STAU1: variants seen among roughly 807,000 people sequenced by gnomAD.
STAU1 encodes double-stranded RNA-binding protein Staufen homolog 1.
Under a neutral mutation model 62.9 loss-of-function variants are expected in STAU1, and 13 were observed. That is an observed-to-expected ratio of 0.21 (90% CI 0.13 to 0.33). The LOEUF (loss-of-function observed/expected upper bound fraction) is 0.33, where lower values mean the gene tolerates loss of function less well. STAU1 is among the 10% of genes least tolerant of loss of function. The pLI is 1.00. For missense variants in STAU1, 571 were observed against 712.1 expected (o/e 0.80, Z 2.25); for synonymous variants, 269 against 265.1 (o/e 1.01, Z -0.14).
chr20:49,141,700 G>A (rs111529618), intron 5 of STAU1, among the ~76,000 whole-genome samples: 7 of 152,274 alleles, frequency 4.6e-5, no homozygotes, highest in African/African-American at 1.7e-4. Context: ...TTCGAGACCA[G>A]CCTGGCCAAC....
the STAU1 span, among the ~76,000 whole-genome samples, chr20:49,216,515 G>A: frequency 1.1e-4 from 16 of 151,436 alleles, no homozygotes; most frequent in Admixed American, 2.0e-4. Flanking sequence ...GCGACAAAGT[G>A]AGACTCATCT....
chr20:49,116,016 T>G, intron 12 of STAU1, 149 bp from the exon 13 acceptor site: 2 of 586,718 alleles, frequency 3.4e-6, no homozygotes, highest in Non-Finnish European at 6.0e-6. Context: ...AACTTTGAAT[T>G]TTTAATTTAA....
intron 3 of STAU1, among the ~76,000 whole-genome samples, chr20:49,165,040 T>C (rs2093504397): frequency 6.6e-6 from 1 of 152,072 alleles, no homozygotes; most frequent in African/African-American, 2.4e-5. Flanking sequence ...GGAATTTTAT[T>C]TATTTATTTT....
rs2092251341 is a variant in STAU1, at chr20:49,114,121, G to T, written c.*757C>A. On this transcript the variant is annotated 3_prime_UTR_variant, in exon 14 of 14. Transcript: ENST00000371856. Reference sequence around the variant, plus strand: ...CTGAAACTGTCCTGGGTTAGTCAATGAAATAAAAATGTCTAACCACATACA... The same window carrying T: ...CTGAAACTGTCCTGGGTTAGTCAATTAAATAAAAATGTCTAACCACATACA... 6.6e-6 allele frequency: 1 copy of T among 152,598 alleles called. No individual in the cohort carries two copies. The highest frequency in any genetic ancestry group is 1.5e-5 in the Non-Finnish European group (1 of 68,040). The allele number at this position is 152,598 out of a possible 1,614,324, so 9.5% of individuals were successfully genotyped here.
At chr20:49,157,871 C>A (rs1315371505) in intron 3 of STAU1, among the ~76,000 whole-genome samples, 2 of 152,146 alleles carry the variant, frequency 1.3e-5, no homozygotes, top group African/African-American at 4.8e-5. Context: ...GATCCTCTCG[C>A]CTCAGCCTTC....
the STAU1 span, among the ~76,000 whole-genome samples, chr20:49,210,781 T>C: frequency 6.6e-6 from 1 of 152,224 alleles, no homozygotes. Flanking sequence ...TTTAATTTTT[T>C]CTTTTTAGAA....
At chr20:49,197,226 A>T in the STAU1 span, among the ~76,000 whole-genome samples, 9 of 151,260 alleles carry the variant, frequency 6.0e-5, no homozygotes, top group African/African-American at 4.9e-5. Flanking sequence ...ATAAGTCATG[A>T]CATATTCATA....
rs781023344 is a variant in STAU1, at chr20:49,117,737, T to C, written c.1509+40A>G. On this transcript the variant is annotated intron_variant, in intron 11 of 13. Coordinates refer to ENST00000371856, the MANE Select transcript of STAU1 (RefSeq NM_017453.4). This position sits in a 1 kb window ranked among gnomAD's most constrained non-coding sequence, Gnocchi z 4.6. The stretch of plus-strand genomic sequence containing the variant: ...TCTGAGAGAAGCCAAAAGATGACTG[T>C]CCTGAGGCACAGCCATCACAGCTCA... 6.4e-7 allele frequency: 1 copy of C among 1,555,478 alleles called. No homozygotes were observed. Among genetic ancestry groups the C allele is most frequent in the Non-Finnish European group, 8.7e-7 (1 of 1,151,716 alleles).
chr20:49,151,490 G>A, intron 5 of STAU1, 92 bp downstream of exon 5: 1 of 1,295,650 alleles, frequency 7.7e-7, no homozygotes, highest in Non-Finnish European at 1.0e-6. Context: ...AGCTGTCAAT[G>A]TGCCTTCTTA....
At chr20:49,209,529 A>T in the STAU1 span, among the ~76,000 whole-genome samples, 1 of 151,792 alleles carries the variant, frequency 6.6e-6, no homozygotes. Flanking sequence ...GGATCACATG[A>T]GGTCAGGAGT....
Position 49,114,723 on chromosome 20 carries a change from T to C in STAU1, c.*155A>G, listed in dbSNP as rs1263441032. 4.1e-6 allele frequency: 3 copies of C among 729,664 alleles called. No individual in the cohort carries two copies. The highest frequency in any genetic ancestry group is 7.1e-6 in the Non-Finnish European group (3 of 425,338). 45.2% of individuals were successfully genotyped at this position (729,664 alleles called of 1,614,324 possible). On this transcript the variant is annotated 3_prime_UTR_variant, in exon 14 of 14. Coordinates refer to ENST00000371856, the MANE Select transcript of STAU1 (RefSeq NM_017453.4). ...TCCAGCCCGGCCACAGCCGCCTCCT[T>C]GTGTTTCTGTTGTCTTCCCTGCTGC...
chr20:49,174,859 G>A (rs1433739281), intron 1 of STAU1, among the ~76,000 whole-genome samples: 12 of 149,782 alleles, frequency 8.0e-5, no homozygotes, highest in African/African-American at 2.7e-4. Flanking sequence ...GTGTGAACCC[G>A]GGAGACGGAG....
upstream of STAU1, among the ~76,000 whole-genome samples, chr20:49,192,356 A>G (rs2093832418): frequency 6.6e-6 from 1 of 151,750 alleles, no homozygotes; most frequent in Non-Finnish European, 1.5e-5. Flanking sequence ...AAAAAAAAAA[A>G]AAAAAGAAAA....
At chr20:49,166,561 G>A (rs1438458139) in intron 2 of STAU1, among the ~76,000 whole-genome samples, 1 of 152,156 alleles carries the variant, frequency 6.6e-6, no homozygotes, top group Non-Finnish European at 1.5e-5. Flanking sequence ...ATATTTATTG[G>A]TGAGTATTAA....
At chr20:49,195,504 C>A in the STAU1 span, among the ~76,000 whole-genome samples, 1 of 122,244 alleles carries the variant, frequency 8.2e-6, no homozygotes, top group Non-Finnish European at 1.6e-5. Context: ...CCACTGCACT[C>A]CAGCCTGGGC....
At chr20:49,209,137 G>A in the STAU1 span, among the ~76,000 whole-genome samples, 2 of 150,364 alleles carry the variant, frequency 1.3e-5, no homozygotes, top group East Asian at 4.0e-4. Context: ...GTTTCATCAT[G>A]TTGGCCAGAG....
intron 12 of STAU1, among the ~76,000 whole-genome samples, chr20:49,116,734 C>T (rs1280095868): frequency 6.6e-6 from 1 of 152,128 alleles, no homozygotes; most frequent in African/African-American, 2.4e-5. Flanking sequence ...TCTCAGTTTT[C>T]TTATAACAAT....
intron 1 of STAU1, among the ~76,000 whole-genome samples, chr20:49,178,909 T>TAAAAA (rs11324304): frequency 7.7e-5 from 9 of 116,382 alleles, no homozygotes; most frequent in East Asian, 5.2e-4. Context: ...CCGTCTCCAC[T>TAAAAA]AAAAAAAAAA....
At chr20:49,144,375 T>C (rs936860958) in intron 5 of STAU1, among the ~76,000 whole-genome samples, 2 of 152,146 alleles carry the variant, frequency 1.3e-5, no homozygotes, top group Non-Finnish European at 2.9e-5. Flanking sequence ...AATGACTAGA[T>C]GAGAATATAC....
Sources: gnomAD v4.1 joint callset for allele counts (sites outside exome capture counted in the v4.1 genomes callset) on GRCh38, gnomAD v4.1.1 for gene constraint, Gnocchi (gnomAD v3.1) non-coding constraint, MANE v1.5 for transcripts, NCBI Gene and HGNC (gene_info 2026-07-23, HGNC 2026-07-21) for gene names.